ATRNL1: variants seen among roughly 807,000 people sequenced by gnomAD.
ATRNL1 encodes attractin like 1, also known as attractin-like protein 1.
Under a neutral mutation model 182.7 loss-of-function variants are expected in ATRNL1, and 95 were observed. The ratio of observed to expected loss-of-function variants is 0.52; its 90% confidence interval spans 0.44 to 0.62. ATRNL1 has a LOEUF of 0.62. Ranked by LOEUF, ATRNL1 falls within the 20% of genes least tolerant of loss-of-function variation. The pLI is 0.00. For missense variants in ATRNL1, 1,471 were observed against 1,679.5 expected, an observed-to-expected ratio of 0.88 and a Z score of 2.17; for synonymous variants, 576 against 568.3, an observed-to-expected ratio of 1.01 and a Z score of -0.19.
intron 27 of ATRNL1, among the ~76,000 whole-genome samples, chr10:115,805,736 A>G (rs1949906645): frequency 6.6e-6 from 1 of 152,194 alleles, no homozygotes. Context: ...CTGTGTGACT[A>G]AAAGTTGTAT....
intron 26 of ATRNL1, among the ~76,000 whole-genome samples, chr10:115,712,686 G>A (rs1290226199): frequency 2.6e-5 from 4 of 151,938 alleles, no homozygotes; most frequent in African/African-American, 9.7e-5. Flanking sequence ...GGCCAACATG[G>A]TGCAAACACT....
chr10:115,939,983 A>G (rs1953678649), intron 28 of ATRNL1, among the ~76,000 whole-genome samples: 2 of 152,208 alleles, frequency 1.3e-5, no homozygotes, highest in Non-Finnish European at 1.5e-5. Flanking sequence ...AACGACCTTT[A>G]TGTCTTTGTT....
At chr10:115,431,827 A>G (rs1174549476) in intron 21 of ATRNL1, among the ~76,000 whole-genome samples, 5 of 151,938 alleles carry the variant, frequency 3.3e-5, no homozygotes, top group Admixed American at 2.6e-4. Context: ...GATTTATTTT[A>G]TAGGGATTTT....
intron 8 of ATRNL1, among the ~76,000 whole-genome samples, chr10:115,179,768 A>C (rs1365990461): frequency 6.6e-6 from 1 of 152,132 alleles, no homozygotes; most frequent in Non-Finnish European, 1.5e-5. Context: ...ATTTCAGAAT[A>C]GCATGGAATT....
Position 115,739,323 on chromosome 10 carries a change from G to T in ATRNL1, c.3903+11968G>T, listed in dbSNP as rs574268477. On this transcript the variant is annotated intron_variant, in intron 27 of 28. Coordinates refer to ENST00000355044, the MANE Select transcript of ATRNL1 (RefSeq NM_207303.4). ...ACAGCATCCTTGCAAGTAAGAAATG[G>T]CTATGTAAAGTAAGACTATAATATC... Among the ~76,000 whole-genome samples the T allele has an allele frequency of 1.5e-3, 231 of 152,306 alleles. 1 individual carries two copies. The highest frequency in any genetic ancestry group is 4.4e-3 in the Admixed American group (67 of 15,294).
In ATRNL1 at chr10:115,947,330, T is replaced by A. The variant is rs558462962; in HGVS notation, c.*2551T>A. On this transcript the variant is annotated 3_prime_UTR_variant, in exon 29 of 29. Transcript: ENST00000355044. Reference sequence around the variant, plus strand: ...TTCGCAGTTAAATGGCTGATCCTCTTGAAAACTAACCTTAATGGAATTCTA... The same window carrying A: ...TTCGCAGTTAAATGGCTGATCCTCTAGAAAACTAACCTTAATGGAATTCTA... The A allele has an allele frequency of 6.5e-6, 1 of 152,714 alleles. No homozygotes were observed. Among genetic ancestry groups the A allele is most frequent in the Non-Finnish European group, 1.5e-5 (1 of 68,018 alleles). The allele number at this position is 152,714 out of a possible 1,614,324, so 9.5% of individuals were successfully genotyped here. A position where few individuals can be genotyped will look rare whatever the true frequency, so the allele number is the denominator to read the frequency against.
chr10:115,434,797 A>ATAG (rs1423094971), intron 21 of ATRNL1, among the ~76,000 whole-genome samples: 2 of 152,188 alleles, frequency 1.3e-5, no homozygotes, highest in Non-Finnish European at 2.9e-5. Flanking sequence ...AACAGGAAGA[A>ATAG]TAGTAAGAAA....
chr10:115,093,737 G>T lies in ATRNL1; in HGVS notation c.-14G>T. On this transcript the variant is annotated 5_prime_UTR_variant, in exon 1 of 29. Coordinates refer to ENST00000355044, the MANE Select transcript of ATRNL1 (RefSeq NM_207303.4). The surrounding 1 kb of genome is among the most constrained non-coding windows in gnomAD (Gnocchi z 6.1). The stretch of plus-strand genomic sequence containing the variant: ...CCGCGAGCGCAGTCTCGCCGGGCAG[G>T]GGCGCCGGGGAAGATGGAGACTGGG... The T allele has an allele frequency of 7.1e-7, 1 of 1,414,288 alleles. No homozygotes were observed. Among genetic ancestry groups the T allele is most frequent in the Non-Finnish European group, 9.2e-7 (1 of 1,091,524 alleles). 87.6% of individuals were successfully genotyped at this position (1,414,288 alleles called of 1,614,324 possible). A position where few individuals can be genotyped will look rare whatever the true frequency, so the allele number is the denominator to read the frequency against.
chr10:115,768,934 ATCTTTT>A (rs1270093988), intron 27 of ATRNL1, among the ~76,000 whole-genome samples: 24 of 152,174 alleles, frequency 1.6e-4, no homozygotes, highest in Admixed American at 1.3e-3. Context: ...TCACTTTTAA[ATCTTTT>A]TCTTGTCTTA....
chr10:115,207,753 C>G (rs915995127), intron 8 of ATRNL1, among the ~76,000 whole-genome samples: 4 of 151,970 alleles, frequency 2.6e-5, no homozygotes, highest in African/African-American at 9.7e-5. Flanking sequence ...GAAAAGACAG[C>G]TGTCATTCTT....
chr10:115,252,673 G>C (rs1449219525), intron 10 of ATRNL1, among the ~76,000 whole-genome samples: 1 of 152,106 alleles, frequency 6.6e-6, no homozygotes, highest in Admixed American at 6.5e-5. Context: ...TTCTTCTGGG[G>C]CTTGACCTTC....
chr10:115,261,945 G>A (rs766728837), intron 10 of ATRNL1, among the ~76,000 whole-genome samples: 107 of 152,196 alleles, frequency 7.0e-4, no homozygotes, highest in Non-Finnish European at 1.4e-3. Flanking sequence ...ATAGAGAATG[G>A]AGGGAGAGGA....
intron 20 of ATRNL1, among the ~76,000 whole-genome samples, chr10:115,400,930 A>C (rs2134302327): frequency 6.6e-6 from 1 of 152,226 alleles, no homozygotes; most frequent in South Asian, 2.1e-4. Flanking sequence ...GGGGGCATTT[A>C]ACCCATTTAC....
chr10:115,527,023 T>C (rs1338483451), intron 25 of ATRNL1, among the ~76,000 whole-genome samples: 5 of 151,902 alleles, frequency 3.3e-5, no homozygotes, highest in African/African-American at 7.3e-5. Flanking sequence ...TTGGGAAGCA[T>C]GGGCTCAGTG....
intron 10 of ATRNL1, among the ~76,000 whole-genome samples, chr10:115,248,127 A>T (rs1313583499): frequency 6.6e-6 from 1 of 152,198 alleles, no homozygotes; most frequent in Non-Finnish European, 1.5e-5. Context: ...TAAGATGACA[A>T]TAGTTAACTA....
At chr10:115,123,066 C>A (rs1564751579) in intron 3 of ATRNL1, among the ~76,000 whole-genome samples, 1 of 152,214 alleles carries the variant, frequency 6.6e-6, no homozygotes, top group East Asian at 1.9e-4. Context: ...TAATACTCAT[C>A]CATTAGCATT....
In ATRNL1 at chr10:115,659,606, C is replaced by T. The variant is rs1217870980; in HGVS notation, c.3796-67642C>T. Among the ~76,000 whole-genome samples, 4 of 151,894 alleles carry T rather than the reference C, an allele frequency of 2.6e-5. No homozygotes were observed. The East Asian group carries it at 5.8e-4, about 22-fold the overall frequency. Reference sequence around the variant, plus strand: ...ATGTATTGTAATACAGTTATTTATGCAGTTATTGTAATGCAGTTATTTAAT... The same window carrying T: ...ATGTATTGTAATACAGTTATTTATGTAGTTATTGTAATGCAGTTATTTAAT... On this transcript the variant is annotated intron_variant, in intron 26 of 28. Coordinates refer to ENST00000355044, the MANE Select transcript of ATRNL1 (RefSeq NM_207303.4).
intron 21 of ATRNL1, among the ~76,000 whole-genome samples, chr10:115,452,086 A>G (rs782105038): frequency 3.3e-5 from 5 of 152,126 alleles, no homozygotes; most frequent in Non-Finnish European, 5.9e-5. Flanking sequence ...AGAAGGATAC[A>G]ACAGACACGG....
At chr10:115,351,769 G>GTTTTGTTTTGT (rs1349710767) in intron 19 of ATRNL1, among the ~76,000 whole-genome samples, 2 of 151,746 alleles carry the variant, frequency 1.3e-5, no homozygotes, top group South Asian at 2.1e-4. Flanking sequence ...GTTTTGTTTT[G>GTTTTGTTTTGT]TTTGTGTTTT....
Sources: allele counts gnomAD v4.1 joint callset (sites outside exome capture counted in the v4.1 genomes callset), GRCh38; gene constraint gnomAD v4.1.1; non-coding constraint Gnocchi (gnomAD v3.1); transcripts MANE v1.5; gene names NCBI Gene and HGNC (gene_info 2026-07-23, HGNC 2026-07-21).